Variants in COG2 observed in about 807,000 individuals in gnomAD.
COG2 encodes conserved oligomeric Golgi complex subunit 2.
COG2 carries 52 observed loss-of-function variants against 90.6 expected under a neutral mutation model. The ratio of observed to expected loss-of-function variants is 0.57; its 90% CI spans 0.46 to 0.72. COG2 has a LOEUF of 0.72. COG2 is among the 30% of genes least tolerant of loss of function. The pLI is 0.00. For synonymous variants in COG2, 337 were observed against 320.4 expected, an observed-to-expected ratio of 1.05 and a Z score of -0.55; for missense variants, 829 against 891.2, an observed-to-expected ratio of 0.93 and a Z score of 0.89.
At position 230,683,608 on chromosome 1, in the gene COG2, C is replaced by T; in HGVS notation, c.1201C>T (p.Leu401Phe). 1 of 1,612,550 alleles carries T rather than the reference C, an allele frequency of 6.2e-7. No individual in the cohort carries two copies. The highest frequency in any genetic ancestry group is 1.7e-5 in the Admixed American group (1 of 60,002). Residue 401 changes from leucine (L) to phenylalanine (F), a missense_variant, in exon 11 of 18, where the codon CTT becomes TTT. Transcript: ENST00000366669. Reference protein sequence around the residue: ...REIAGSLEAALTDVLEDAPAE... With the variant: ...REIAGSLEAAFTDVLEDAPAE... ...AATAGCGGGATCCTTAGAAGCAGCA[C>T]TTACAGATGTCCTGGAAGATGCCCC...
chr1:230,674,128 G>A (rs182090800), intron 8 of COG2, among the ~76,000 whole-genome samples: 1 of 152,300 alleles, frequency 6.6e-6, no homozygotes, highest in African/African-American at 2.4e-5. Context: ...GAGTTTGTGA[G>A]CGACTTAAGG....
intron 17 of COG2, chr1:230,691,875 A>G (rs1007874742): frequency 2.3e-5 from 6 of 264,216 alleles, no homozygotes; most frequent in Non-Finnish European, 4.3e-5. Context: ...CCTGATACTT[A>G]ATTGGTGCGA....
chr1:230,688,638 G>C, intron 15 of COG2, 76 bp downstream of exon 15: 73 of 1,481,916 alleles, frequency 4.9e-5, no homozygotes, highest in Middle Eastern at 2.0e-4. Context: ...AGGAAGGAAG[G>C]AAGCGGCGGA....
At chr1:230,671,352 A>C in intron 7 of COG2, 164 bp from the exon 8 acceptor site, 2 of 559,514 alleles carry the variant, frequency 3.6e-6, no homozygotes, top group Non-Finnish European at 6.2e-6. Flanking sequence ...AGTAGTTTTG[A>C]ATGTGACCTG....
intron 10 of COG2, 67 bp downstream of exon 10, chr1:230,679,119 A>T (rs1167594117): frequency 6.8e-7 from 1 of 1,478,930 alleles, no homozygotes; most frequent in African/African-American, 1.4e-5. Flanking sequence ...CCAGTTAAGG[A>T]TGTTGCCTCA....
intron 5 of COG2, among the ~76,000 whole-genome samples, chr1:230,667,035 T>C (rs1368448445): frequency 6.6e-6 from 1 of 152,196 alleles, no homozygotes; most frequent in Non-Finnish European, 1.5e-5. Context: ...CTTTCAGATT[T>C]AGATGCTCCA....
chr1:230,657,088 T>C (rs919098857), intron 1 of COG2, among the ~76,000 whole-genome samples: 2 of 152,212 alleles, frequency 1.3e-5, no homozygotes, highest in Non-Finnish European at 2.9e-5. Context: ...AATATTGTTA[T>C]GTGGAATTTG....
chr1:230,657,894 A>G (rs1299360525), intron 1 of COG2, among the ~76,000 whole-genome samples: 1 of 151,852 alleles, frequency 6.6e-6, no homozygotes, highest in East Asian at 1.9e-4. Flanking sequence ...CGAAGTTCTC[A>G]TGCTGTGTTT....
intron 10 of COG2, chr1:230,679,317 C>T (rs1351716883): frequency 6.6e-6 from 2 of 302,988 alleles, no homozygotes; most frequent in African/African-American, 2.1e-5. Flanking sequence ...CAAGCCCAGC[C>T]TCATTCCCAC....
intron 1 of COG2, among the ~76,000 whole-genome samples, chr1:230,650,341 G>A (rs1661882812): frequency 6.6e-6 from 1 of 152,152 alleles, no homozygotes; most frequent in South Asian, 2.1e-4. Flanking sequence ...CAGTGTATAA[G>A]CATTCCTTTT....
At chr1:230,675,424 AAGC>A in intron 9 of COG2, among the ~76,000 whole-genome samples, 1 of 152,298 alleles carries the variant, frequency 6.6e-6, no homozygotes, top group East Asian at 1.9e-4. Flanking sequence ...GGACCATTAA[AAGC>A]CAGTGTTTTT....
Position 230,693,539 on chromosome 1 carries a change from G to A in COG2, c.*146G>A, listed in dbSNP as rs558903660. Reference sequence around the variant, plus strand: ...CATCACTCCAGCAACACGCCCATGCGTCTTCTCTCAGCGTATTTGGGTCTT... The same window carrying A: ...CATCACTCCAGCAACACGCCCATGCATCTTCTCTCAGCGTATTTGGGTCTT... On this transcript the variant is annotated 3_prime_UTR_variant, in exon 18 of 18. Transcript: ENST00000366669. The A allele has an allele frequency of 4.5e-5, 24 of 530,876 alleles. No individual in the cohort carries two copies. The highest frequency in any genetic ancestry group is 8.3e-4 in the Middle Eastern group (2 of 2,410). The allele number at this position is 530,876 out of a possible 1,614,324, so 32.9% of individuals were successfully genotyped here.
At chr1:230,663,482 T>C (rs1206128258) in intron 4 of COG2, among the ~76,000 whole-genome samples, 4 of 152,238 alleles carry the variant, frequency 2.6e-5, no homozygotes, top group Non-Finnish European at 5.9e-5. Flanking sequence ...AAGCCTGTTT[T>C]AGAGATCTTC....
chr1:230,674,292 A>G (rs1002229913), intron 8 of COG2, among the ~76,000 whole-genome samples: 14 of 152,248 alleles, frequency 9.2e-5, no homozygotes, highest in Non-Finnish European at 1.6e-4. Context: ...AGCACAGAGA[A>G]GTTAAATGAT....
At chr1:230,655,584 T>G (rs1383814558) in intron 1 of COG2, among the ~76,000 whole-genome samples, 1 of 152,140 alleles carries the variant, frequency 6.6e-6, no homozygotes, top group Non-Finnish European at 1.5e-5. Context: ...CTTTGCCAGG[T>G]TTTGATATCA....
chr1:230,685,142 G>A lies in COG2; in HGVS notation c.1286G>A (p.Cys429Tyr). ...SHRTWSSLRRCWSDEMFLPLL... is the reference protein window; with the variant it reads ...SHRTWSSLRRYWSDEMFLPLL... ...AGAACTTGGAGCAGCCTTAGGAGGT[G>A]TTGGTCAGATGAGATGTTCTTGCCA... is the stretch of plus-strand genomic sequence containing the variant. The change falls in exon 12 of 18, where the codon TGT becomes TAT. Residue 429 changes from cysteine to tyrosine, a missense_variant. Coordinates refer to ENST00000366669, the MANE Select transcript of COG2 (RefSeq NM_007357.3). 2 of 1,614,206 alleles carry A rather than the reference G, an allele frequency of 1.2e-6. No individual in the cohort carries two copies. The highest frequency in any genetic ancestry group is 1.7e-6 in the Non-Finnish European group (2 of 1,180,030).
At chr1:230,682,675 A>G (rs1460897727) in intron 10 of COG2, 1 of 152,226 alleles carries the variant, frequency 6.6e-6, no homozygotes, top group East Asian at 1.9e-4. Flanking sequence ...GCTTTGTAAA[A>G]GCACATTATG....
intron 6 of COG2, 199 bp downstream of exon 6, chr1:230,668,983 A>G (rs1046011835): frequency 2.1e-6 from 1 of 478,374 alleles, no homozygotes; most frequent in African/African-American, 2.0e-5. Context: ...CATTCTCCAG[A>G]TGATAAGAGT....
chr1:230,678,339 G>C, intron 9 of COG2: 1 of 985,410 alleles, frequency 1.0e-6, no homozygotes, highest in Non-Finnish European at 1.2e-6. Flanking sequence ...TAGTTGCCCT[G>C]TGGGGTCGTT....
Sources: allele counts gnomAD v4.1 joint callset (sites outside exome capture counted in the v4.1 genomes callset), GRCh38; gene constraint gnomAD v4.1.1; transcripts MANE v1.5; gene names NCBI Gene and HGNC (gene_info 2026-07-23, HGNC 2026-07-21).